KLHL31: variants seen among roughly 807,000 people sequenced by gnomAD.
KLHL31 encodes the protein kelch like family member 31.
KLHL31 carries 32 observed loss-of-function variants against 47.1 expected under a neutral mutation model. That is an observed-to-expected ratio of 0.68 (90% CI 0.51 to 0.91). The LOEUF (loss-of-function observed/expected upper bound fraction) is 0.91. Ranked by LOEUF, KLHL31 falls within the 40% of genes least tolerant of loss-of-function variation. The probability of loss-of-function intolerance (pLI) is 0.00; values close to 1 mark genes in which losing one functional copy is unlikely to be tolerated. For missense variants in KLHL31, 797 were observed against 819.3 expected, an observed-to-expected ratio of 0.97 and a Z score of 0.33; for synonymous variants, 330 against 325.1, an observed-to-expected ratio of 1.01 and a Z score of -0.16.
chr6:53,654,311 A>G lies in KLHL31; in HGVS notation c.962T>C (p.Val321Ala), dbSNP rs201194109. Reference protein sequence around the residue: ...IRGGCRVLVTVGGRPGLTEKS... With the variant: ...IRGGCRVLVTAGGRPGLTEKS... ...CTCAGTAAGGCCTGGGCGTCCCCCAACAGTGACGAGGACTCGGCAGCCACC... is the reference window on the plus strand; with the variant it reads ...CTCAGTAAGGCCTGGGCGTCCCCCAGCAGTGACGAGGACTCGGCAGCCACC... Residue 321 changes from valine to alanine, a missense_variant, in exon 2 of 3, where the codon GTT (valine) becomes GCT (alanine). Physicochemically the swap from Val to Ala is moderately conservative, Grantham distance 64. Coordinates refer to ENST00000370905, the MANE Select transcript of KLHL31 (RefSeq NM_001003760.5). 1.7e-5 allele frequency: 27 copies of G among 1,614,212 alleles called. No individual in the cohort carries two copies. Among genetic ancestry groups the G allele is most frequent in the South Asian group, 9.9e-5 (9 of 91,082 alleles).
chr6:53,652,359 T>C, intron 2 of KLHL31, 29 bp from the exon 3 acceptor site: 1 of 1,610,702 alleles, frequency 6.2e-7, no homozygotes, highest in Non-Finnish European at 8.5e-7. Flanking sequence ...GTGTAACAGC[T>C]TTGTCGGCGG....
Position 53,665,707 on chromosome 6 carries a change from G to A in KLHL31, c.-140C>T, listed in dbSNP as rs1261161864. ...TAGAGAGAGGGAGAAGGAAAATCCG[G>A]TGGGGAGCCACCAGCAGCCACCTGA... is the stretch of plus-strand genomic sequence containing the variant. On this transcript the variant is annotated 5_prime_UTR_variant, in exon 1 of 3. Coordinates refer to ENST00000370905, the MANE Select transcript of KLHL31 (RefSeq NM_001003760.5). The A allele has an allele frequency of 6.6e-6, 1 of 152,296 alleles. No individual in the cohort carries two copies. The highest frequency in any genetic ancestry group is 1.5e-5 in the Non-Finnish European group (1 of 68,220). The allele number at this position is 152,296 out of a possible 1,614,324, so 9.4% of individuals were successfully genotyped here. A position where few individuals can be genotyped will look rare whatever the true frequency, so the allele number is the denominator to read the frequency against.
rs1430237695 is a variant in KLHL31 at position 53,651,829 on chromosome 6, C to G, written c.1674G>C (p.Ala558=). The G allele has an allele frequency of 6.2e-7, 1 of 1,610,302 alleles. No individual in the cohort carries two copies. The highest frequency in any genetic ancestry group is 1.1e-5 in the South Asian group (1 of 91,048). ...AAPLQVGVST[A]GVSALHGRAY... ...CGCGGCCATGCAGCGCCGAGACGCC[C>G]GCAGTGCTCACTCCCACCTGCAGCG... is the stretch of plus-strand genomic sequence containing the variant. The change falls in exon 3 of 3, where the codon GCG becomes GCC. Residue 558 remains alanine (A), a synonymous_variant. Transcript: ENST00000370905.
chr6:53,654,731 G>C lies in KLHL31; in HGVS notation c.542C>G (p.Thr181Arg), dbSNP rs748658111. The C allele has an allele frequency of 6.2e-7, 1 of 1,614,150 alleles. No individual in the cohort carries two copies. Among genetic ancestry groups the C allele is most frequent in the South Asian group, 1.1e-5 (1 of 91,082 alleles). Reference protein sequence around the residue: ...NCMYVVNIAETYSLKNAKAAA... With the variant: ...NCMYVVNIAERYSLKNAKAAA... Reference sequence around the variant, plus strand: ...TGCTTTTGCATTTTTTAGGGAGTATGTTTCAGCAATATTAACAACATACAT... The same window carrying C: ...TGCTTTTGCATTTTTTAGGGAGTATCTTTCAGCAATATTAACAACATACAT... The change falls in exon 2 of 3, where the codon ACA (threonine) becomes AGA (arginine). Residue 181 changes from threonine to arginine, a missense_variant. By Grantham distance (71) the Thr-to-Arg change is moderately conservative (BLOSUM62 -1). Transcript: ENST00000370905.
intron 1 of KLHL31, among the ~76,000 whole-genome samples, chr6:53,658,878 A>G (rs1303697458): frequency 6.6e-6 from 1 of 152,150 alleles, no homozygotes; most frequent in Non-Finnish European, 1.5e-5. Context: ...ATAAATACCA[A>G]TTTTACTACT....
At chr6:53,652,575 C>A (rs1241415608) in intron 2 of KLHL31, among the ~76,000 whole-genome samples, 1 of 152,200 alleles carries the variant, frequency 6.6e-6, no homozygotes, top group Non-Finnish European at 1.5e-5. Context: ...CGTTTATAAG[C>A]ACTCCCTTTA....
chr6:53,655,804 ACCAT>A (rs1246264395), intron 1 of KLHL31, among the ~76,000 whole-genome samples: 1 of 151,698 alleles, frequency 6.6e-6, no homozygotes, highest in African/African-American at 2.4e-5. Flanking sequence ...ATGGGTTTTT[ACCAT>A]GTTGGCCAGA....
rs1764463992 is a variant in KLHL31 at position 53,651,495 on chromosome 6, G to A, written c.*103C>T. 9.0e-7 allele frequency: 1 copy of A among 1,114,196 alleles called. No homozygotes were observed. The highest frequency in any genetic ancestry group is 1.2e-6 in the Non-Finnish European group (1 of 822,388). The allele number at this position is 1,114,196 out of a possible 1,614,324, so 69.0% of individuals were successfully genotyped here. A position where few individuals can be genotyped will look rare whatever the true frequency, so the allele number is the denominator to read the frequency against. On this transcript the variant is annotated 3_prime_UTR_variant, in exon 3 of 3. Coordinates refer to ENST00000370905, the MANE Select transcript of KLHL31 (RefSeq NM_001003760.5). ...CGACATATTTTACAATACAATCAGT[G>A]TAGTAAATGTTAAATATTTTCCTTT...
In KLHL31 at chr6:53,659,636, G is replaced by A. The variant is rs554311342; in HGVS notation, c.-33-4331C>T. Among the ~76,000 whole-genome samples the A allele has an allele frequency of 3.9e-5, 6 of 152,292 alleles. No homozygotes were observed. In the East Asian group the frequency reaches 1.2e-3, roughly 29 times the overall value. ...AGGAAATGTTTCAAGTTGAAGCAAG[G>A]AGGTGTGACTCAGCCTGTCACATGC... On this transcript the variant is annotated intron_variant, in intron 1 of 2. Coordinates refer to ENST00000370905, the MANE Select transcript of KLHL31 (RefSeq NM_001003760.5).
chr6:53,651,297 A>G lies in KLHL31; in HGVS notation c.*301T>C. On this transcript the variant is annotated 3_prime_UTR_variant, in exon 3 of 3. Transcript: ENST00000370905. Reference sequence around the variant, plus strand: ...TGGGTGTAACCGCTATACATTTAGGAAACATGCCGCCTTGGGAGAGTGCCT... The same window carrying G: ...TGGGTGTAACCGCTATACATTTAGGGAACATGCCGCCTTGGGAGAGTGCCT... The G allele has an allele frequency of 3.8e-6, 1 of 263,064 alleles. No homozygotes were observed. Among genetic ancestry groups the G allele is most frequent in the Non-Finnish European group, 7.2e-6 (1 of 138,832 alleles). The allele number at this position is 263,064 out of a possible 1,614,324, so 16.3% of individuals were successfully genotyped here.
chr6:53,651,836 C>T lies in KLHL31; in HGVS notation c.1667G>A (p.Ser556Asn), dbSNP rs751281025. The T allele has an allele frequency of 3.7e-6, 6 of 1,608,998 alleles. No individual in the cohort carries two copies. In the Admixed American group the frequency reaches 6.7e-5, roughly 18 times the overall value. ...ATGCAGCGCCGAGACGCCCGCAGTG[C>T]TCACTCCCACCTGCAGCGGCGCCGC... ...SYAAPLQVGV[S>N]TAGVSALHGR... The change falls in exon 3 of 3, where the codon AGC becomes AAC. Residue 556 changes from serine to asparagine, a missense_variant. By Grantham distance (46) the Ser-to-Asn change is conservative (BLOSUM62 1). Coordinates refer to ENST00000370905, the MANE Select transcript of KLHL31 (RefSeq NM_001003760.5).
In KLHL31 at chr6:53,651,794, A is replaced by T; in HGVS notation, c.1709T>A (p.Val570Glu). 6.2e-7 allele frequency: 1 copy of T among 1,613,178 alleles called. No homozygotes were observed. Among genetic ancestry groups the T allele is most frequent in the Non-Finnish European group, 8.5e-7 (1 of 1,179,968 alleles). The change falls in exon 3 of 3, where the codon GTG becomes GAG. Residue 570 changes from valine to glutamate, a missense_variant. By Grantham distance (121) the Val-to-Glu change is moderately radical. Coordinates refer to ENST00000370905, the MANE Select transcript of KLHL31 (RefSeq NM_001003760.5). ...VSALHGRAYLVGGWNEGEKKY... is the reference protein window; with the variant it reads ...VSALHGRAYLEGGWNEGEKKY... ...CTTCTCGCCCTCGTTCCAGCCCCCCACCAGGTAGGCGCGGCCATGCAGCGC... is the reference window on the plus strand; with the variant it reads ...CTTCTCGCCCTCGTTCCAGCCCCCCTCCAGGTAGGCGCGGCCATGCAGCGC...
At chr6:53,652,722 T>C (rs1473958456) in intron 2 of KLHL31, among the ~76,000 whole-genome samples, 1 of 151,918 alleles carries the variant, frequency 6.6e-6, no homozygotes, top group African/African-American at 2.4e-5. Context: ...ATCAGAGGAG[T>C]GGCGATCAGA....
At chr6:53,657,674 T>G (rs964448845) in intron 1 of KLHL31, among the ~76,000 whole-genome samples, 2 of 149,868 alleles carry the variant, frequency 1.3e-5, no homozygotes, top group African/African-American at 4.9e-5. Flanking sequence ...CCATTGTAAT[T>G]TCATCCTGAG....
rs145987416 is a variant in KLHL31, at chr6:53,663,544, A to G, written c.-34+2057T>C. 9.2e-3 allele frequency among the ~76,000 whole-genome samples: 1,397 copies of G among 152,342 alleles called. 21 individuals carry two copies. The highest frequency in any genetic ancestry group is 0.032 in the African/African-American group (1,321 of 41,566). On this transcript the variant is annotated intron_variant, in intron 1 of 2. Coordinates refer to ENST00000370905, the MANE Select transcript of KLHL31 (RefSeq NM_001003760.5). Reference sequence around the variant, plus strand: ...GAAGTATTAGATTGAATATGAAATTATCATTTTTTGTTTAAAAGCAAATAC... The same window carrying G: ...GAAGTATTAGATTGAATATGAAATTGTCATTTTTTGTTTAAAAGCAAATAC...
Position 53,648,300 on chromosome 6 carries a change from C to T in KLHL31, c.*3298G>A, listed in dbSNP as rs1764421891. ...GCTGCCTTGTGCTGGAGAACATATT[C>T]ATCAGCGGCTGGAATAGGGATGTAG... On this transcript the variant is annotated 3_prime_UTR_variant, in exon 3 of 3. Coordinates refer to ENST00000370905, the MANE Select transcript of KLHL31 (RefSeq NM_001003760.5). 6.6e-6 allele frequency: 1 copy of T among 152,092 alleles called. No individual in the cohort carries two copies. Among genetic ancestry groups the T allele is most frequent in the Non-Finnish European group, 1.5e-5 (1 of 68,006 alleles). 9.4% of individuals were successfully genotyped at this position (152,092 alleles called of 1,614,324 possible).
rs1764482332 is a variant in KLHL31, at chr6:53,652,102, G to C, written c.1401C>G (p.Arg467=). The change falls in exon 3 of 3, where the codon CGC becomes CGG. Residue 467 remains arginine, a synonymous_variant. Coordinates refer to ENST00000370905, the MANE Select transcript of KLHL31 (RefSeq NM_001003760.5). ...CTATGTAGCCTCCGGTCACCAGCAC[G>C]CGGCCGTCGGCGACCGCGCTAGCGT... is the stretch of plus-strand genomic sequence containing the variant. The part of the protein sequence containing the change: ...CCHASAVADG[R]VLVTGGYIAN... 1 of 1,599,904 alleles carries C rather than the reference G, an allele frequency of 6.3e-7. No homozygotes were observed. The highest frequency in any genetic ancestry group is 8.5e-7 in the Non-Finnish European group (1 of 1,177,980).
rs1273148930 is a variant in KLHL31, at chr6:53,654,958, G to A, written c.315C>T (p.Asp105=). The A allele has an allele frequency of 1.2e-6, 2 of 1,614,018 alleles. No homozygotes were observed. Among genetic ancestry groups the A allele is most frequent in the Admixed American group, 3.3e-5 (2 of 60,008 alleles). The change falls in exon 2 of 3, where the codon GAC becomes GAT. Residue 105 remains aspartate (D), a synonymous_variant. Coordinates refer to ENST00000370905, the MANE Select transcript of KLHL31 (RefSeq NM_001003760.5). ...TGAGATCCACCCTCTGAATTGACGG[G>A]TCTTTTTTTAGGATGTTGTAAAAAT... ...SEYFYNILKK[D]PSIQRVDLND...
intron 2 of KLHL31, 49 bp from the exon 3 acceptor site, chr6:53,652,379 A>T: frequency 6.2e-7 from 1 of 1,603,320 alleles, no homozygotes; most frequent in South Asian, 1.1e-5. Context: ...GCAGCTGGGG[A>T]CCCCATGTTA....
Sources: gnomAD v4.1 joint callset for allele counts (sites outside exome capture counted in the v4.1 genomes callset) on GRCh38, gnomAD v4.1.1 for gene constraint, MANE v1.5 for transcripts, NCBI Gene and HGNC (gene_info 2026-07-23, HGNC 2026-07-21) for gene names.